AMPH: variants seen among roughly 807,000 people sequenced by gnomAD.
AMPH encodes the protein amphiphysin (Stiff-Mann syndrome with breast cancer 128kD autoantigen).
Under a neutral mutation model 99.1 loss-of-function variants are expected in AMPH, and 49 were observed. That is an observed-to-expected ratio of 0.49 (90% CI 0.39 to 0.63). The LOEUF (loss-of-function observed/expected upper bound fraction) is 0.63. Ranked by LOEUF, AMPH falls within the 20% of genes least tolerant of loss-of-function variation. AMPH has a pLI of 0.00. For synonymous variants in AMPH, 314 were observed against 317.3 expected (o/e 0.99, Z 0.11); for missense variants, 759 against 863.4 (o/e 0.88, Z 1.52).
intron 3 of AMPH, among the ~76,000 whole-genome samples, chr7:38,501,737 G>C (rs994665906): frequency 4.0e-5 from 6 of 150,508 alleles, no homozygotes; most frequent in Admixed American, 6.7e-5. Context: ...TAAATTCTTA[G>C]AATGAAACTG....
intron 2 of AMPH, among the ~76,000 whole-genome samples, chr7:38,521,185 G>A (rs1299571853): frequency 6.6e-6 from 1 of 152,090 alleles, no homozygotes; most frequent in African/African-American, 2.4e-5. Flanking sequence ...GTATCTTAAG[G>A]AAACTACCCC....
chr7:38,610,313 AAAG>A (rs1793608084), intron 1 of AMPH, among the ~76,000 whole-genome samples: 2 of 39,020 alleles, frequency 5.1e-5, no homozygotes, highest in African/African-American at 3.1e-4. Context: ...AAAGAAAAGA[AAAG>A]AAAAGAAAAG....
intron 15 of AMPH, among the ~76,000 whole-genome samples, chr7:38,423,132 T>TGG (rs1291935442): frequency 6.6e-6 from 1 of 152,226 alleles, no homozygotes; most frequent in African/African-American, 2.4e-5. Context: ...CAGAAGTTAG[T>TGG]GGTTGAAGCT....
intron 17 of AMPH, among the ~76,000 whole-genome samples, chr7:38,407,823 C>T (rs1785094723): frequency 1.3e-5 from 2 of 152,184 alleles, no homozygotes; most frequent in African/African-American, 4.8e-5. Flanking sequence ...TACAGGACCA[C>T]TGAATTCAAG....
intron 5 of AMPH, among the ~76,000 whole-genome samples, chr7:38,480,573 G>A (rs1788249301): frequency 6.6e-6 from 1 of 152,032 alleles, no homozygotes; most frequent in Admixed American, 6.6e-5. Flanking sequence ...TAACCTCTTT[G>A]GCTATTTCTA....
chr7:38,486,733 C>A (rs1584154866), intron 5 of AMPH, among the ~76,000 whole-genome samples: 1 of 151,956 alleles, frequency 6.6e-6, no homozygotes, highest in East Asian at 1.9e-4. Context: ...CCCATCATGA[C>A]CAAGTAGGAT....
At chr7:38,500,556 A>G (rs1269798251) in intron 3 of AMPH, among the ~76,000 whole-genome samples, 2 of 152,178 alleles carry the variant, frequency 1.3e-5, no homozygotes, top group African/African-American at 4.8e-5. Flanking sequence ...CAGTCTCTAT[A>G]AGCAGCACGC....
chr7:38,395,749 G>A (rs1463391438), intron 17 of AMPH, among the ~76,000 whole-genome samples: 3 of 152,092 alleles, frequency 2.0e-5, no homozygotes, highest in Admixed American at 6.5e-5. Flanking sequence ...CCCTAATATT[G>A]CAAATATTAA....
intron 1 of AMPH, among the ~76,000 whole-genome samples, chr7:38,572,567 C>T (rs1220290159): frequency 6.6e-6 from 1 of 152,172 alleles, no homozygotes; most frequent in Non-Finnish European, 1.5e-5. Context: ...GAAGGCTGTT[C>T]CCATATCTGA....
intron 1 of AMPH, among the ~76,000 whole-genome samples, chr7:38,580,161 T>C (rs1316236570): frequency 6.6e-6 from 1 of 152,194 alleles, no homozygotes; most frequent in African/African-American, 2.4e-5. Flanking sequence ...CTTTTCTACT[T>C]ACTTTTTATG....
At chr7:38,398,426 G>GA (rs1784744828) in intron 17 of AMPH, among the ~76,000 whole-genome samples, 1 of 152,138 alleles carries the variant, frequency 6.6e-6, no homozygotes, top group Admixed American at 6.5e-5. Context: ...TATGTTAAGG[G>GA]AAAAAAGCCA....
intron 1 of AMPH, among the ~76,000 whole-genome samples, chr7:38,548,068 G>A (rs180750215): frequency 5.7e-4 from 78 of 136,742 alleles, no homozygotes; most frequent in Non-Finnish European, 1.0e-3. Context: ...TCGCTCTGTC[G>A]CCCAGGCTGG....
intron 5 of AMPH, among the ~76,000 whole-genome samples, chr7:38,486,859 A>G (rs969329312): frequency 1.3e-5 from 2 of 152,270 alleles, no homozygotes; most frequent in Middle Eastern, 3.4e-3. Flanking sequence ...TAGAAAATGC[A>G]TTTGATAAAA....
At chr7:38,518,589 T>G (rs1176102137) in intron 2 of AMPH, among the ~76,000 whole-genome samples, 1 of 152,228 alleles carries the variant, frequency 6.6e-6, no homozygotes, top group African/African-American at 2.4e-5. Flanking sequence ...TCTTGTCTAT[T>G]TATCCCCTTT....
At position 38,422,589 on chromosome 7, in the gene AMPH, TC is replaced by T. The variant is rs1482710789; in HGVS notation, c.1216-113del. ...ATCTATCTATCTATCTATCTATCTA[TC>T]TATCTATCTATCCATCTATCTATCG... is the stretch of plus-strand genomic sequence containing the variant. On this transcript the variant is annotated intron_variant, in intron 15 of 20. Transcript: ENST00000356264. 1.2e-4 allele frequency: 96 copies of T among 774,866 alleles called. 1 individual carries two copies. Among genetic ancestry groups the T allele is most frequent in the South Asian group, 8.7e-4 (52 of 59,472 alleles). The allele number at this position is 774,866 out of a possible 1,614,324, so 48.0% of individuals were successfully genotyped here. A position where few individuals can be genotyped will look rare whatever the true frequency, so the allele number is the denominator to read the frequency against.
chr7:38,624,514 C>T (rs567935994), intron 1 of AMPH, among the ~76,000 whole-genome samples: 181 of 150,822 alleles, frequency 1.2e-3, no homozygotes, highest in Non-Finnish European at 1.8e-3. Flanking sequence ...TCTGCCTCGG[C>T]CTCCCGAGTA....
intron 1 of AMPH, among the ~76,000 whole-genome samples, chr7:38,591,264 CTTTCT>C (rs1453875440): frequency 2.0e-5 from 3 of 149,858 alleles, no homozygotes; most frequent in East Asian, 1.9e-4. Context: ...CCAATGCCTC[CTTTCT>C]TTTCTTTTCT....
intron 1 of AMPH, among the ~76,000 whole-genome samples, chr7:38,597,694 T>C (rs1449309997): frequency 6.6e-6 from 1 of 152,106 alleles, no homozygotes; most frequent in Non-Finnish European, 1.5e-5. Context: ...TAATGTCTAA[T>C]AGGCTTAGCC....
chr7:38,452,818 T>A (rs903597924), intron 11 of AMPH, among the ~76,000 whole-genome samples: 31 of 152,132 alleles, frequency 2.0e-4, no homozygotes, highest in African/African-American at 7.5e-4. Context: ...CCTGACCTCA[T>A]CCCAGACCTG....
Sources: allele counts gnomAD v4.1 joint callset (sites outside exome capture counted in the v4.1 genomes callset), GRCh38; gene constraint gnomAD v4.1.1; transcripts MANE v1.5; gene names NCBI Gene and HGNC (gene_info 2026-07-23, HGNC 2026-07-21).